CXADR: variants seen among roughly 807,000 people sequenced by gnomAD.
CXADR encodes coxsackievirus and adenovirus receptor.
In CXADR, 20 loss-of-function variants were observed where a neutral mutation model predicts 40.3. The ratio of observed to expected loss-of-function variants is 0.50; its 90% CI spans 0.35 to 0.72. The LOEUF (loss-of-function observed/expected upper bound fraction) is 0.72, where lower values mean the gene tolerates loss of function less well. Among genes scored for constraint, CXADR ranks in the 30% least tolerant of loss-of-function variants. The pLI is 0.01. For missense variants in CXADR, 332 were observed against 449.1 expected, an observed-to-expected ratio of 0.74 and a Z score of 2.36; for synonymous variants, 150 against 161.3, an observed-to-expected ratio of 0.93 and a Z score of 0.53.
intron 1 of CXADR, among the ~76,000 whole-genome samples, chr21:17,524,043 C>T (rs200118764): frequency 1.6e-4 from 23 of 144,810 alleles, no homozygotes; most frequent in East Asian, 4.3e-4. Context: ...TGTGTGTGTG[C>T]GTGTGTGTGT....
chr21:17,580,898 G>T (rs185229151), intron 7 of CXADR, among the ~76,000 whole-genome samples: 158 of 152,096 alleles, frequency 1.0e-3, no homozygotes, highest in Non-Finnish European at 1.6e-3. Flanking sequence ...CTATGGGCAC[G>T]CACCAGTACA....
At chr21:17,550,171 G>T (rs978393801) in intron 2 of CXADR, among the ~76,000 whole-genome samples, 2 of 151,956 alleles carry the variant, frequency 1.3e-5, no homozygotes, top group Non-Finnish European at 2.9e-5. Flanking sequence ...CCAGGCCAAT[G>T]TGGTGAAACC....
the CXADR span, among the ~76,000 whole-genome samples, chr21:17,614,579 C>CA: frequency 6.6e-6 from 1 of 152,032 alleles, no homozygotes; most frequent in Non-Finnish European, 1.5e-5. Context: ...CCAATCTCTA[C>CA]AAAAAATACA....
intron 1 of CXADR, among the ~76,000 whole-genome samples, chr21:17,514,565 G>GAA (rs11289742): frequency 2.1e-5 from 3 of 142,460 alleles, no homozygotes; most frequent in South Asian, 2.2e-4. Flanking sequence ...TGTTCTCTGG[G>GAA]AAAAAAAAAA....
At chr21:17,629,387 CAAAAAAAAA>C in the CXADR span, among the ~76,000 whole-genome samples, 2 of 80,586 alleles carry the variant, frequency 2.5e-5, no homozygotes, top group African/African-American at 8.5e-5. Flanking sequence ...GACTGTGTCT[CAAAAAAAAA>C]AAAAAAAAAA....
At chr21:17,588,380 T>G (rs1280648913) in intron 7 of CXADR, among the ~76,000 whole-genome samples, 1 of 152,222 alleles carries the variant, frequency 6.6e-6, no homozygotes, top group African/African-American at 2.4e-5. Context: ...GGAATGTTCT[T>G]CCGTTTGTTT....
At chr21:17,582,698 C>A (rs1342239345) in intron 7 of CXADR, among the ~76,000 whole-genome samples, 1 of 152,204 alleles carries the variant, frequency 6.6e-6, no homozygotes, top group Non-Finnish European at 1.5e-5. Flanking sequence ...CTGCATGTAT[C>A]GCCATAACAG....
chr21:17,634,893 C>G, the CXADR span, among the ~76,000 whole-genome samples: 79 of 152,284 alleles, frequency 5.2e-4, no homozygotes, highest in African/African-American at 1.8e-3. Context: ...GTAGTTAGAA[C>G]TACAGGTGCA....
chr21:17,520,072 C>T (rs2060511052), intron 1 of CXADR, among the ~76,000 whole-genome samples: 1 of 152,016 alleles, frequency 6.6e-6, no homozygotes, highest in African/African-American at 2.4e-5. Context: ...GATCCTGGGC[C>T]ACTATTTCCA....
At chr21:17,547,731 A>G (rs961044734) in intron 2 of CXADR, among the ~76,000 whole-genome samples, 1 of 150,918 alleles carries the variant, frequency 6.6e-6, no homozygotes, top group African/African-American at 2.4e-5. Flanking sequence ...TGTCCAATGA[A>G]TTTTTTAAAA....
At chr21:17,600,707 G>A in the CXADR span, among the ~76,000 whole-genome samples, 1 of 151,968 alleles carries the variant, frequency 6.6e-6, no homozygotes, top group African/African-American at 2.4e-5. Context: ...AAAAGAAAAT[G>A]TATGTGGAAA....
intron 7 of CXADR, among the ~76,000 whole-genome samples, chr21:17,577,784 G>T (rs1042416996): frequency 2.6e-5 from 4 of 151,694 alleles, no homozygotes; most frequent in African/African-American, 9.7e-5. Flanking sequence ...CTTTTTACCT[G>T]TTGAATAGCA....
chr21:17,632,017 C>T, the CXADR span, among the ~76,000 whole-genome samples: 1 of 152,036 alleles, frequency 6.6e-6, no homozygotes, highest in East Asian at 1.9e-4. Flanking sequence ...TATCATGTTA[C>T]CCAGGCTAGT....
At chr21:17,593,984 T>C, downstream of CXADR, 1 of 1,277,792 alleles carries the variant, frequency 7.8e-7, no homozygotes, top group South Asian at 1.6e-5. Flanking sequence ...GTTTGATGGT[T>C]TGGCCCATCT....
the CXADR span, among the ~76,000 whole-genome samples, chr21:17,625,388 A>C: frequency 6.6e-6 from 1 of 152,230 alleles, no homozygotes; most frequent in Non-Finnish European, 1.5e-5. Flanking sequence ...TGTTGCCAAC[A>C]CAAAGAAAAG....
chr21:17,573,059 A>G (rs438074), downstream of CXADR, among the ~76,000 whole-genome samples: 136,176 of 152,160 alleles, frequency 0.89, 61,409 homozygotes, highest in Non-Finnish European at 0.96. Context: ...AAATCAAGGT[A>G]TTGGCAAGAT....
intron 1 of CXADR, among the ~76,000 whole-genome samples, chr21:17,545,072 GTTTT>G (rs869189508): frequency 0.046 from 2,539 of 55,522 alleles, 65 homozygotes; most frequent in African/African-American, 0.14. Flanking sequence ...GCTCTAATGT[GTTTT>G]TTTTTTTTTT....
chr21:17,568,088 A>C lies in CXADR; in HGVS notation c.*2396A>C. 1 of 983,144 alleles carries C rather than the reference A, an allele frequency of 1.0e-6. No individual in the cohort carries two copies. Among genetic ancestry groups the C allele is most frequent in the African/African-American group, 1.8e-5 (1 of 57,002 alleles). 60.9% of individuals were successfully genotyped at this position (983,144 alleles called of 1,614,324 possible). ...AAGTAGTTGAACAAAAAATTACTAA[A>C]GCATTTCCGTTAGATCAGTCAAGGA... On this transcript the variant is annotated 3_prime_UTR_variant, in exon 7 of 7. Coordinates refer to ENST00000284878, the MANE Select transcript of CXADR (RefSeq NM_001338.5).
At chr21:17,564,097 A>AT (rs2061167840) in intron 6 of CXADR, among the ~76,000 whole-genome samples, 1 of 152,002 alleles carries the variant, frequency 6.6e-6, no homozygotes, top group Non-Finnish European at 1.5e-5. Flanking sequence ...GTATGGCTGT[A>AT]TTTTTTAAAT....
Sources: allele counts gnomAD v4.1 joint callset (sites outside exome capture counted in the v4.1 genomes callset), GRCh38; gene constraint gnomAD v4.1.1; transcripts MANE v1.5; gene names NCBI Gene and HGNC (gene_info 2026-07-23, HGNC 2026-07-21).